PLEKHM1: variants seen among roughly 807,000 people sequenced by gnomAD.
PLEKHM1 encodes pleckstrin homology and RUN domain containing M1.
Under a neutral mutation model 94.3 loss-of-function variants are expected in PLEKHM1, and 28 were observed. The ratio of observed to expected loss-of-function variants is 0.30; its 90% CI spans 0.22 to 0.41. The LOEUF (loss-of-function observed/expected upper bound fraction) is 0.41, where lower values mean the gene tolerates loss of function less well. PLEKHM1 is among the 10% of genes least tolerant of loss of function. The probability of loss-of-function intolerance (pLI) is 1.00; values close to 1 mark genes in which losing one functional copy is unlikely to be tolerated. For missense variants in PLEKHM1, 907 were observed against 1,358.6 expected (o/e 0.67, Z 5.22); for synonymous variants, 424 against 581.2 (o/e 0.73, Z 3.89).
At chr17:45,439,177 G>A (rs964413034) in intron 11 of PLEKHM1, among the ~76,000 whole-genome samples, 10 of 152,186 alleles carry the variant, frequency 6.6e-5, no homozygotes, top group African/African-American at 2.2e-4. Flanking sequence ...ACACTGAGGC[G>A]CCAGGAGGCT....
In PLEKHM1 at chr17:45,461,172, C is replaced by T. The variant is rs563580329; in HGVS notation, c.1309-2733G>A. 6.6e-5 allele frequency among the ~76,000 whole-genome samples: 10 copies of T among 152,340 alleles called. 1 individual carries two copies. The South Asian group carries it at 1.9e-3, about 28-fold the overall frequency. ...AAAGTGCTGGGATTGCAGGCATGAG[C>T]GACCGCGCCCAGCCAATGTCTGTTG... On this transcript the variant is annotated intron_variant, in intron 5 of 11. Coordinates refer to ENST00000430334, the MANE Select transcript of PLEKHM1 (RefSeq NM_014798.3).
At position 45,453,369 on chromosome 17, in the gene PLEKHM1, C is replaced by T. The variant is rs1024575610; in HGVS notation, c.2483G>A (p.Gly828Asp). The T allele has an allele frequency of 1.2e-5, 20 of 1,613,408 alleles. No individual in the cohort carries two copies. The highest frequency in any genetic ancestry group is 1.7e-5 in the Non-Finnish European group (20 of 1,179,688). Reference protein sequence around the residue: ...IPMEKGLDSQGCFCAGCSRQI... With the variant: ...IPMEKGLDSQDCFCAGCSRQI... ...CAAATCGGCACCTGCGCAGAAGCAGCCTTGGGAGTCAAGGCCTTTCTCCAT... is the reference window on the plus strand; with the variant it reads ...CAAATCGGCACCTGCGCAGAAGCAGTCTTGGGAGTCAAGGCCTTTCTCCAT... The change falls in exon 7 of 12, where the codon GGC (glycine) becomes GAC (aspartate). Residue 828 changes from glycine (G) to aspartate (D), a missense_variant. Physicochemically the swap from Gly to Asp is moderately conservative, Grantham distance 94 (BLOSUM62 -1). This residue lies in a region of PLEKHM1 where 254 missense variants were observed against 451.1 expected (regional missense o/e 0.56). Coordinates refer to ENST00000430334, the MANE Select transcript of PLEKHM1 (RefSeq NM_014798.3). The surrounding 1 kb of genome is among the most constrained non-coding windows in gnomAD (Gnocchi z 4.1).
chr17:45,457,072 T>C (rs2050973914), intron 6 of PLEKHM1, among the ~76,000 whole-genome samples: 1 of 150,062 alleles, frequency 6.7e-6, no homozygotes, highest in African/African-American at 2.5e-5. Context: ...TCCCAGCTCC[T>C]GGAGAGACTG....
chr17:45,452,907 A>G (rs1041808406), intron 7 of PLEKHM1: 9 of 253,666 alleles, frequency 3.5e-5, no homozygotes, highest in Non-Finnish European at 6.2e-5. Flanking sequence ...CATTTTCATC[A>G]TCACAGAAAG....
intron 5 of PLEKHM1, among the ~76,000 whole-genome samples, chr17:45,462,505 C>T (rs572852905): frequency 9.8e-4 from 149 of 152,098 alleles, no homozygotes; most frequent in African/African-American, 3.3e-3. Flanking sequence ...AGACATCCAT[C>T]GCCTCTGCCT....
intron 8 of PLEKHM1, among the ~76,000 whole-genome samples, chr17:45,446,568 C>G (rs1191033366): frequency 6.6e-6 from 1 of 152,230 alleles, no homozygotes; most frequent in Non-Finnish European, 1.5e-5. Context: ...CCGACAAGTG[C>G]ACAGTGACTA....
intron 3 of PLEKHM1, 31 bp downstream of exon 3, chr17:45,477,869 G>A (rs1414105850): frequency 6.8e-6 from 11 of 1,611,880 alleles, no homozygotes; most frequent in Admixed American, 5.0e-5. Flanking sequence ...CTGCTCCTCC[G>A]CAAAGCAAAA....
At chr17:45,474,145 C>T (rs930674108) in intron 4 of PLEKHM1, among the ~76,000 whole-genome samples, 1 of 151,774 alleles carries the variant, frequency 6.6e-6, no homozygotes, top group Non-Finnish European at 1.5e-5. Flanking sequence ...CAAGCTCCAC[C>T]TCCCGGGTTC....
chr17:45,490,399 T>C (rs1598021283), intron 1 of PLEKHM1, among the ~76,000 whole-genome samples: 2 of 148,840 alleles, frequency 1.3e-5, no homozygotes, highest in Non-Finnish European at 3.0e-5. Context: ...GCAAGACCGC[T>C]GGTGAGGGGA....
At chr17:45,489,298 T>C (rs1341601941) in intron 1 of PLEKHM1, among the ~76,000 whole-genome samples, 1 of 152,190 alleles carries the variant, frequency 6.6e-6, no homozygotes, top group Non-Finnish European at 1.5e-5. Flanking sequence ...GAATTCAGCA[T>C]CAGGACTGAT....
intron 5 of PLEKHM1, among the ~76,000 whole-genome samples, chr17:45,466,447 G>A (rs2051323500): frequency 6.6e-6 from 1 of 152,012 alleles, no homozygotes; most frequent in Non-Finnish European, 1.5e-5. Context: ...ACTATTAGGA[G>A]GTTTAAAAGT....
chr17:45,459,143 AAAAT>A (rs2051075358), intron 5 of PLEKHM1, among the ~76,000 whole-genome samples: 1 of 152,022 alleles, frequency 6.6e-6, no homozygotes, highest in South Asian at 2.1e-4. Flanking sequence ...CATCTCTAAA[AAAAT>A]AAATAAATAA....
intron 4 of PLEKHM1, among the ~76,000 whole-genome samples, chr17:45,470,937 A>C (rs1461961737): frequency 6.6e-6 from 1 of 151,954 alleles, no homozygotes; most frequent in Non-Finnish European, 1.5e-5. Context: ...AAGTGATGGG[A>C]TTACAGGAGT....
chr17:45,442,600 T>G (rs561119971), intron 9 of PLEKHM1, among the ~76,000 whole-genome samples: 3 of 152,318 alleles, frequency 2.0e-5, no homozygotes, highest in Non-Finnish European at 4.4e-5. Flanking sequence ...AGACGGGGTT[T>G]CACTATGTTG....
At chr17:45,486,857 A>G (rs927716379) in intron 1 of PLEKHM1, among the ~76,000 whole-genome samples, 1 of 152,184 alleles carries the variant, frequency 6.6e-6, no homozygotes, top group Non-Finnish European at 1.5e-5. Context: ...TCAGTGACAT[A>G]AGAACTCACG....
rs755782761 is a variant in PLEKHM1 at position 45,453,358 on chromosome 17, C to G, written c.2494G>C (p.Ala832Pro). The G allele has an allele frequency of 1.2e-6, 2 of 1,612,730 alleles. No homozygotes were observed. The highest frequency in any genetic ancestry group is 2.7e-5 in the African/African-American group (2 of 74,958). Residue 832 changes from alanine to proline, a missense_variant, in exon 7 of 12, where the codon GCA becomes CCA. Ala to Pro is a conservative substitution (Grantham distance 27). Around this residue, in one of 3 missense-constraint regions of PLEKHM1, gnomAD observed 254 missense variants for 451.1 expected, o/e 0.56. Coordinates refer to ENST00000430334, the MANE Select transcript of PLEKHM1 (RefSeq NM_014798.3). This position sits in a 1 kb window ranked among gnomAD's most constrained non-coding sequence, Gnocchi z 4.1. Reference protein sequence around the residue: ...KGLDSQGCFCAGCSRQIGFSF... With the variant: ...KGLDSQGCFCPGCSRQIGFSF... ...TGGCAGCAGAGCAAATCGGCACCTG[C>G]GCAGAAGCAGCCTTGGGAGTCAAGG...
At position 45,475,618 on chromosome 17, in the gene PLEKHM1, C is replaced by A; in HGVS notation, c.405G>T (p.Leu135=). 6.2e-7 allele frequency: 1 copy of A among 1,614,054 alleles called. No individual in the cohort carries two copies. Among genetic ancestry groups the A allele is most frequent in the East Asian group, 2.2e-5 (1 of 44,872 alleles). ...ALNDGLMECY[L]KLLLQEQARL... ...GGGCCTGCTCCTGCAGCAGCAGCTT[C>A]AGGTAGCACTCCATCAGGCCATCGT... Residue 135 remains leucine, a synonymous_variant, in exon 4 of 12, where the codon CTG becomes CTT. Transcript: ENST00000430334.
intron 1 of PLEKHM1, among the ~76,000 whole-genome samples, chr17:45,489,729 G>T (rs1334610208): frequency 1.3e-5 from 2 of 152,110 alleles, no homozygotes; most frequent in Non-Finnish European, 2.9e-5. Context: ...GTCTGAGTGA[G>T]CACCTACATT....
In PLEKHM1 at chr17:45,437,861, G is replaced by A. The variant is rs116886592; in HGVS notation, c.3168C>T (p.Ala1056=). 2.1e-3 allele frequency: 3,379 copies of A among 1,613,232 alleles called. 5 individuals are homozygous for A. Among genetic ancestry groups the A allele is most frequent in the Non-Finnish European group, 2.7e-3 (3,173 of 1,179,308 alleles). Residue 1056 remains alanine, a synonymous_variant, in exon 12 of 12, where the codon GCC becomes GCT. Coordinates refer to ENST00000430334, the MANE Select transcript of PLEKHM1 (RefSeq NM_014798.3). This position sits in a 1 kb window ranked among gnomAD's most constrained non-coding sequence, Gnocchi z 4.0. ...RRKYQEQNIF[A] The stretch of plus-strand genomic sequence containing the variant: ...GAGCGGGGTCAGCAGATGGGCATCA[G>A]GCGAAAATGTTCTGTTCCTGGTACT...
Sources: allele counts gnomAD v4.1 joint callset (sites outside exome capture counted in the v4.1 genomes callset), GRCh38; gene constraint gnomAD v4.1.1; regional missense constraint gnomAD v4.1.1; non-coding constraint Gnocchi (gnomAD v3.1); transcripts MANE v1.5; gene names NCBI Gene and HGNC (gene_info 2026-07-23, HGNC 2026-07-21).